The following ADGRV1 variants were observed in gnomAD, a reference collection of about 807,000 sequenced individuals.
ADGRV1 encodes the protein G-protein coupled receptor 98.
A neutral mutation model predicts 596.2 loss-of-function variants in ADGRV1; 359 were observed. The ratio of observed to expected loss-of-function variants is 0.60; its 90% CI spans 0.55 to 0.66. ADGRV1 has a LOEUF of 0.66. Among genes scored for constraint, ADGRV1 ranks in the 30% least tolerant of loss-of-function variants. The pLI is 0.00. For missense variants in ADGRV1, 7,274 were observed against 7,575.6 expected (o/e 0.96, Z 1.48); for synonymous variants, 2,681 against 2,679.2 (o/e 1.00, Z -0.02).
intron 85 of ADGRV1, among the ~76,000 whole-genome samples, chr5:91,024,842 C>T (rs1783896864): frequency 6.6e-6 from 1 of 152,098 alleles, no homozygotes; most frequent in Admixed American, 6.5e-5. Flanking sequence ...ACTAAGATTT[C>T]GGTAACTTGA....
chr5:90,900,119 A>G (rs563528165), intron 83 of ADGRV1, among the ~76,000 whole-genome samples: 4 of 152,292 alleles, frequency 2.6e-5, no homozygotes, highest in African/African-American at 7.2e-5. Flanking sequence ...GTAAAGTTTT[A>G]TTATGACACC....
intron 1 of ADGRV1, among the ~76,000 whole-genome samples, chr5:90,604,078 T>A (rs986297335): frequency 1.3e-5 from 2 of 151,808 alleles, no homozygotes; most frequent in African/African-American, 4.8e-5. Flanking sequence ...ACTGCTTAGC[T>A]CCAGGCAAGG....
Position 90,811,401 on chromosome 5 carries a change from G to A in ADGRV1, c.16078+63G>A, listed in dbSNP as rs181912360. The A allele has an allele frequency of 2.6e-4, 355 of 1,374,376 alleles. 1 individual carries two copies. The African/African-American group carries it at 4.9e-3, about 19-fold the overall frequency. The allele number at this position is 1,374,376 out of a possible 1,614,324, so 85.1% of individuals were successfully genotyped here. On this transcript the variant is annotated intron_variant, in intron 74 of 89. Transcript: ENST00000405460. The stretch of plus-strand genomic sequence containing the variant: ...TATGGTACATAATTTGTATTAAGGT[G>A]AATCTAGCTTAAATTTAATGGAAGA...
At chr5:90,894,499 G>A (rs747611837) in intron 83 of ADGRV1, among the ~76,000 whole-genome samples, 2 of 152,182 alleles carry the variant, frequency 1.3e-5, no homozygotes, top group Non-Finnish European at 2.9e-5. Flanking sequence ...GAAGGACTGT[G>A]TATGTCTGCT....
intron 4 of ADGRV1, among the ~76,000 whole-genome samples, chr5:90,620,884 A>G (rs1051214215): frequency 3.3e-5 from 5 of 152,218 alleles, no homozygotes; most frequent in Non-Finnish European, 7.3e-5. Flanking sequence ...CATCTCTTCA[A>G]AATTCTGTAG....
intron 83 of ADGRV1, among the ~76,000 whole-genome samples, chr5:90,865,899 T>TA (rs1354871731): frequency 6.6e-6 from 1 of 152,136 alleles, no homozygotes; most frequent in Admixed American, 6.6e-5. Flanking sequence ...CAGGAGTTAT[T>TA]ACAGTTCCAG....
chr5:90,895,180 T>C (rs2150601098), intron 83 of ADGRV1, among the ~76,000 whole-genome samples: 1 of 152,256 alleles, frequency 6.6e-6, no homozygotes, highest in Admixed American at 6.5e-5. Flanking sequence ...TCCTCATGCC[T>C]TACTGAGTTT....
chr5:91,072,513 G>A lies in ADGRV1; in HGVS notation c.18219G>A (p.Val6073=), dbSNP rs1788478104. ...CTCTTGTTCCTTTGACGTGCCTCGT[G>A]GTGGTGTTCGTGGTGTTCATCCATG... is the stretch of plus-strand genomic sequence containing the variant. ...TAALVPLTCL[V]VVFVVFIHAY... The change falls in exon 86 of 90, where the codon GTG becomes GTA. Residue 6073 remains valine (V), a synonymous_variant. Transcript: ENST00000405460. 2 of 1,613,652 alleles carry A rather than the reference G, an allele frequency of 1.2e-6. No homozygotes were observed. Among genetic ancestry groups the A allele is most frequent in the Non-Finnish European group, 1.7e-6 (2 of 1,179,712 alleles).
chr5:90,639,164 T>C (rs1016569812), intron 11 of ADGRV1, among the ~76,000 whole-genome samples: 1 of 152,070 alleles, frequency 6.6e-6, no homozygotes, highest in South Asian at 2.1e-4. Flanking sequence ...AGACTCGATC[T>C]TAAGAAAAGG....
intron 21 of ADGRV1, among the ~76,000 whole-genome samples, chr5:90,669,134 A>C (rs1772050668): frequency 6.6e-6 from 1 of 152,226 alleles, no homozygotes; most frequent in Non-Finnish European, 1.5e-5. Flanking sequence ...TAAGTGGTAG[A>C]ATGAGGAAGC....
Position 90,692,051 on chromosome 5 carries a change from A to C in ADGRV1, c.6952-554A>C, listed in dbSNP as rs182045233. Among the ~76,000 whole-genome samples, 1,275 of 152,292 alleles carry C rather than the reference A, an allele frequency of 8.4e-3. 9 individuals carry two copies. The highest frequency in any genetic ancestry group is 0.012 in the Non-Finnish European group (848 of 68,024). ...TATAAAATTTTATACAAGTTCATAA[A>C]ATTTATTTTGAATGCTAATTGTGCC... On this transcript the variant is annotated intron_variant, in intron 31 of 89. Transcript: ENST00000405460.
intron 85 of ADGRV1, among the ~76,000 whole-genome samples, chr5:90,999,313 C>T (rs938035512): frequency 1.3e-5 from 2 of 151,800 alleles, no homozygotes; most frequent in African/African-American, 4.8e-5. Flanking sequence ...ATTCAATTTT[C>T]CATCTACAAT....
chr5:91,142,992 G>A (rs185718709), intron 87 of ADGRV1, among the ~76,000 whole-genome samples: 5 of 152,302 alleles, frequency 3.3e-5, no homozygotes, highest in African/African-American at 9.6e-5. Context: ...TGCCAAGGGC[G>A]AGTGGAGTGG....
At chr5:91,070,759 A>G (rs1189706761) in intron 85 of ADGRV1, among the ~76,000 whole-genome samples, 1 of 152,212 alleles carries the variant, frequency 6.6e-6, no homozygotes, top group Non-Finnish European at 1.5e-5. Context: ...CCACTATCCT[A>G]TCTAAACTCT....
intron 1 of ADGRV1, among the ~76,000 whole-genome samples, chr5:90,581,151 G>A (rs940347629): frequency 3.9e-5 from 6 of 152,102 alleles, no homozygotes; most frequent in East Asian, 1.9e-4. Context: ...TTAGCCATTC[G>A]TCTAACCTTT....
At chr5:90,704,015 CATTGG>C (rs1748258538) in intron 35 of ADGRV1, among the ~76,000 whole-genome samples, 1 of 152,134 alleles carries the variant, frequency 6.6e-6, no homozygotes, top group Non-Finnish European at 1.5e-5. Flanking sequence ...TTGAGTAGTA[CATTGG>C]ACTTTTAATG....
intron 83 of ADGRV1, among the ~76,000 whole-genome samples, chr5:90,907,359 T>G (rs958895167): frequency 6.6e-6 from 1 of 152,186 alleles, no homozygotes. Flanking sequence ...TTATTTTTTG[T>G]CCAGCAAACC....
At chr5:90,732,271 C>T (rs993281885) in intron 50 of ADGRV1, among the ~76,000 whole-genome samples, 2 of 152,288 alleles carry the variant, frequency 1.3e-5, no homozygotes, top group African/African-American at 4.8e-5. Context: ...GCTGGGATTA[C>T]AGTCATGAGA....
chr5:90,728,984 G>T, intron 49 of ADGRV1, 51 bp downstream of exon 49: 4 of 1,223,094 alleles, frequency 3.3e-6, no homozygotes, highest in South Asian at 1.6e-5. Flanking sequence ...AAATCATCTA[G>T]CATTCATATG....
Sources: allele counts gnomAD v4.1 joint callset (sites outside exome capture counted in the v4.1 genomes callset), GRCh38; gene constraint gnomAD v4.1.1; transcripts MANE v1.5; gene names NCBI Gene and HGNC (gene_info 2026-07-23, HGNC 2026-07-21).